The following TNRC18 variants were observed in gnomAD, a reference collection of about 807,000 sequenced individuals.
TNRC18 encodes the protein trinucleotide repeat containing 18, also known as trinucleotide repeat-containing gene 18 protein.
TNRC18 carries 69 observed loss-of-function variants against 226.7 expected under a neutral mutation model. The ratio of observed to expected loss-of-function variants is 0.30; its 90% CI spans 0.25 to 0.37. The LOEUF (loss-of-function observed/expected upper bound fraction) is 0.37. Among genes scored for constraint, TNRC18 ranks in the 10% least tolerant of loss-of-function variants. The probability of loss-of-function intolerance (pLI) is 1.00; values close to 1 mark genes in which losing one functional copy is unlikely to be tolerated. For missense variants in TNRC18, 4,754 were observed against 4,256.6 expected, an observed-to-expected ratio of 1.12 and a Z score of -3.25; for synonymous variants, 2,449 against 1,927.6, an observed-to-expected ratio of 1.27 and a Z score of -7.09.
Position 5,422,587 on chromosome 7 carries a change from C to A in TNRC18, c.-244+854G>T, listed in dbSNP as rs190347467. ...CTGGGCTCTCTTAAGAGAAGCCGAT[C>A]ACGCCAAAGCCACCGGCTCCCGGGT... On this transcript the variant is annotated intron_variant, in intron 1 of 29. Coordinates refer to ENST00000430969, the MANE Select transcript of TNRC18 (RefSeq NM_001080495.3). 5.8e-3 allele frequency among the ~76,000 whole-genome samples: 887 copies of A among 152,298 alleles called. 15 individuals carry two copies. Among genetic ancestry groups the A allele is most frequent in the African/African-American group, 0.021 (854 of 41,556 alleles).
chr7:5,339,992 C>A (rs1790530210), intron 18 of TNRC18, among the ~76,000 whole-genome samples: 1 of 152,100 alleles, frequency 6.6e-6, no homozygotes, highest in African/African-American at 2.4e-5. Flanking sequence ...CACAACAATA[C>A]CGAAATTAGG....
intron 4 of TNRC18, chr7:5,390,038 G>T: frequency 4.4e-6 from 1 of 226,242 alleles, no homozygotes; most frequent in Non-Finnish European, 8.5e-6. Context: ...GTGGGCCCAA[G>T]GAGCCTGTGG....
In TNRC18 at chr7:5,359,567, A is replaced by G. The variant is rs1792815665; in HGVS notation, c.4664T>C (p.Leu1555Pro). Reference sequence around the variant, plus strand: ...TGATGTCAGCAGAGACTTGCTGCTCAGCCTGAAACGCAGACACACTGCCGG... The same window carrying G: ...TGATGTCAGCAGAGACTTGCTGCTCGGCCTGAAACGCAGACACACTGCCGG... Reference protein sequence around the residue: ...RGKSGHSSGKLSSKSLLTSDD... With the variant: ...RGKSGHSSGKPSSKSLLTSDD... The change falls in exon 15 of 30, where the codon CTG becomes CCG. Residue 1555 changes from leucine to proline, a missense_variant and splice_region_variant. Transcript: ENST00000430969. 1 of 1,613,798 alleles carries G rather than the reference A, an allele frequency of 6.2e-7. No individual in the cohort carries two copies. The highest frequency in any genetic ancestry group is 1.3e-5 in the African/African-American group (1 of 75,046).
chr7:5,416,422 G>GA (rs946494120), intron 2 of TNRC18, among the ~76,000 whole-genome samples: 5 of 151,532 alleles, frequency 3.3e-5, no homozygotes, highest in African/African-American at 2.4e-5. Flanking sequence ...CTCAAAAAAA[G>GA]AAAAAAAAAT....
intron 14 of TNRC18, 111 bp downstream of exon 14, chr7:5,361,483 G>A: frequency 7.6e-7 from 1 of 1,321,702 alleles, no homozygotes; most frequent in Non-Finnish European, 9.9e-7. Context: ...GTAGGTCAGA[G>A]CCCGAGGGAC....
intron 2 of TNRC18, 60 bp downstream of exon 2, chr7:5,421,000 C>G (rs1782544445): frequency 6.5e-7 from 1 of 1,542,948 alleles, no homozygotes; most frequent in Admixed American, 2.0e-5. Context: ...ACAGGAGGAC[C>G]CGGCCGAGTG....
intron 19 of TNRC18, among the ~76,000 whole-genome samples, chr7:5,328,604 G>T (rs1291346356): frequency 6.6e-6 from 1 of 151,836 alleles, no homozygotes; most frequent in African/African-American, 2.4e-5. Context: ...CGCCTCCTGG[G>T]TTCGAGCGAT....
In TNRC18 at chr7:5,310,293, G is replaced by A. The variant is rs887945793; in HGVS notation, c.8389-925C>T. ...CGCCCAGGCTGGAGTGCAGTGGCAC[G>A]ATCTTGGCTCACTGTAGCCTCTGCC... On this transcript the variant is annotated intron_variant, in intron 27 of 29. Coordinates refer to ENST00000430969, the MANE Select transcript of TNRC18 (RefSeq NM_001080495.3). 1.6e-4 allele frequency among the ~76,000 whole-genome samples: 24 copies of A among 152,138 alleles called. 1 individual carries two copies. The East Asian group carries it at 1.9e-3, about 12-fold the overall frequency.
chr7:5,320,773 T>C lies in TNRC18; in HGVS notation c.6561-166A>G, dbSNP rs1272343804. 2.0e-5 allele frequency: 13 copies of C among 661,010 alleles called. No homozygotes were observed. In the Admixed American group the frequency reaches 3.3e-4, roughly 17 times the overall value. The allele number at this position is 661,010 out of a possible 1,614,324, so 40.9% of individuals were successfully genotyped here. ...AATTCTCCCCCTTTTCTGGGTTCAT[T>C]TTCCTCATCTGTAGGACTAGGGGTT... On this transcript the variant is annotated intron_variant, in intron 22 of 29. Coordinates refer to ENST00000430969, the MANE Select transcript of TNRC18 (RefSeq NM_001080495.3).
chr7:5,421,413 C>A lies in TNRC18; in HGVS notation c.-167G>T. 2.2e-6 allele frequency: 1 copy of A among 460,544 alleles called. No individual in the cohort carries two copies. The highest frequency in any genetic ancestry group is 2.9e-6 in the Non-Finnish European group (1 of 347,288). The allele number at this position is 460,544 out of a possible 1,614,324, so 28.5% of individuals were successfully genotyped here. A position where few individuals can be genotyped will look rare whatever the true frequency, so the allele number is the denominator to read the frequency against. ...TTGCGCTCGGCGGCGGGCCCGCGGC[C>A]CGGGGCGCACAGGCGGCCGGCGGTG... is the stretch of plus-strand genomic sequence containing the variant. On this transcript the variant is annotated 5_prime_UTR_variant, in exon 2 of 30. Transcript: ENST00000430969.
At chr7:5,320,070 A>G in intron 24 of TNRC18, 1 of 464,136 alleles carries the variant, frequency 2.2e-6, no homozygotes, top group South Asian at 2.6e-5. Context: ...GGTAAAATAC[A>G]ATCTCCAAGG....
Position 5,376,896 on chromosome 7 carries a change from G to A in TNRC18, c.2559C>T (p.Pro853=), listed in dbSNP as rs1029825545. ...LPSAYQFVRD[P]QSGQLVVIPS... ...GAATGACCACCAGCTGGCCCGATTG[G>A]GGGTCCCTGACAAACTGGTAGGCTG... is the stretch of plus-strand genomic sequence containing the variant. The change falls in exon 8 of 30, where the codon CCC becomes CCT. Residue 853 remains proline (P), a synonymous_variant. Transcript: ENST00000430969. 2 of 1,610,648 alleles carry A rather than the reference G, an allele frequency of 1.2e-6. No homozygotes were observed. Among genetic ancestry groups the A allele is most frequent in the Non-Finnish European group, 1.7e-6 (2 of 1,178,510 alleles).
At chr7:5,344,106 A>T (rs1320506447) in intron 18 of TNRC18, among the ~76,000 whole-genome samples, 2 of 152,198 alleles carry the variant, frequency 1.3e-5, no homozygotes, top group African/African-American at 4.8e-5. Flanking sequence ...TTTGGACCAT[A>T]TGCCAATACC....
At chr7:5,420,307 G>GC (rs775943159) in intron 2 of TNRC18, 1 of 447,444 alleles carries the variant, frequency 2.2e-6, no homozygotes, top group South Asian at 1.6e-5. Context: ...CCTGGGCCCT[G>GC]CCCGACCCGC....
chr7:5,357,148 C>G lies in TNRC18; in HGVS notation c.4962G>C (p.Gly1654=), dbSNP rs770328144. Residue 1654 remains glycine, a synonymous_variant, in exon 16 of 30, where the codon GGG becomes GGC. Coordinates refer to ENST00000430969, the MANE Select transcript of TNRC18 (RefSeq NM_001080495.3). ...CGCAGCCCCCGCTAGTTTTCGATTT[C>G]CCCCCAGCACTGTCCGAAAACTTGA... ...SPFKFSDSAG[G]KSKTSGGCGR... is the part of the protein sequence containing the mutation. The G allele has an allele frequency of 4.9e-5, 77 of 1,576,744 alleles. No individual in the cohort carries two copies. The highest frequency in any genetic ancestry group is 3.6e-4 in the South Asian group (31 of 86,198).
At chr7:5,398,666 G>C (rs1279190668) in intron 2 of TNRC18, among the ~76,000 whole-genome samples, 1 of 150,982 alleles carries the variant, frequency 6.6e-6, no homozygotes, top group Non-Finnish European at 1.5e-5. Flanking sequence ...CACCCAGGCT[G>C]TAGTGCAGTG....
rs1334052138 is a variant in TNRC18, at chr7:5,389,356, A to C, written c.488-20T>G. ...AACCGTCTGCGGAGAAGGGAACAGCAGGCAGTGAGCGAGCGCCACCTCCCC... is the reference window on the plus strand; with the variant it reads ...AACCGTCTGCGGAGAAGGGAACAGCCGGCAGTGAGCGAGCGCCACCTCCCC... On this transcript the variant is annotated intron_variant, in intron 4 of 29. Transcript: ENST00000430969. 2.4e-6 allele frequency: 3 copies of C among 1,251,510 alleles called. No individual in the cohort carries two copies. Among genetic ancestry groups the C allele is most frequent in the Non-Finnish European group, 3.0e-6 (3 of 998,672 alleles). 77.5% of individuals were successfully genotyped at this position (1,251,510 alleles called of 1,614,324 possible). A position where few individuals can be genotyped will look rare whatever the true frequency, so the allele number is the denominator to read the frequency against.
intron 5 of TNRC18, among the ~76,000 whole-genome samples, chr7:5,385,488 C>A (rs1463418330): frequency 1.8e-5 from 2 of 114,132 alleles, no homozygotes; most frequent in Non-Finnish European, 3.5e-5. Context: ...GAGCGAGACT[C>A]CGTCTCAAAA....
rs1341101055 is a variant in TNRC18, at chr7:5,310,916, ATGTGTGTGCACGTGTTCG to A, written c.8389-1566_8389-1549del. On this transcript the variant is annotated intron_variant, in intron 27 of 29. Coordinates refer to ENST00000430969, the MANE Select transcript of TNRC18 (RefSeq NM_001080495.3). ...CATCTGTGCATTTGTGCACGTGTTC[ATGTGTGTGCACGTGTTCG>A]TGTGTGCACGTGTTTGTGTGTGTGC... Among the ~76,000 whole-genome samples the A allele has an allele frequency of 5.3e-5, 8 of 151,544 alleles. No individual in the cohort carries two copies. The East Asian group carries it at 1.5e-3, about 29-fold the overall frequency.
Sources: gnomAD v4.1 joint callset for allele counts (sites outside exome capture counted in the v4.1 genomes callset) on GRCh38, gnomAD v4.1.1 for gene constraint, MANE v1.5 for transcripts, NCBI Gene and HGNC (gene_info 2026-07-23, HGNC 2026-07-21) for gene names.